Variants in LRP2 observed in about 807,000 individuals in gnomAD.
The protein encoded by LRP2 is low-density lipoprotein receptor-related protein 2.
In LRP2, 172 loss-of-function variants were observed where a neutral mutation model predicts 531.0. That is an observed-to-expected ratio of 0.32 (90% CI 0.29 to 0.37). LRP2 has a LOEUF of 0.37. Ranked by LOEUF, LRP2 falls within the 10% of genes least tolerant of loss-of-function variation. The probability of loss-of-function intolerance (pLI) is 1.00; values close to 1 mark genes in which losing one functional copy is unlikely to be tolerated. For synonymous variants in LRP2, 1,992 were observed against 2,027.6 expected (o/e 0.98, Z 0.47); for missense variants, 5,167 against 5,868.3 (o/e 0.88, Z 3.90).
intron 24 of LRP2, among the ~76,000 whole-genome samples, chr2:169,242,313 T>A (rs1336913072): frequency 6.6e-6 from 1 of 152,224 alleles, no homozygotes; most frequent in Non-Finnish European, 1.5e-5. Context: ...AGGTTTCCAG[T>A]CTGTGAAGAT....
rs575355529 is a variant in LRP2 at position 169,148,213 on chromosome 2, C to A, written c.12591-1254G>T. Among the ~76,000 whole-genome samples the A allele has an allele frequency of 1.1e-4, 17 of 152,312 alleles. No homozygotes were observed. In the South Asian group the frequency reaches 2.3e-3, roughly 20 times the overall value. On this transcript the variant is annotated intron_variant, in intron 68 of 78. Transcript: ENST00000649046. The stretch of plus-strand genomic sequence containing the variant: ...ACACACATGTGAAAGAAGCTAGTCA[C>A]AAAGAACCACATACTGTAGGATTCC...
chr2:169,351,700 A>G (rs1685853437), intron 1 of LRP2, among the ~76,000 whole-genome samples: 1 of 152,208 alleles, frequency 6.6e-6, no homozygotes, highest in African/African-American at 2.4e-5. Context: ...ACTAGGAAGC[A>G]AGTCCTAAGC....
At chr2:169,198,097 C>T (rs947074642) in intron 45 of LRP2, among the ~76,000 whole-genome samples, 16 of 152,106 alleles carry the variant, frequency 1.1e-4, no homozygotes, top group African/African-American at 3.1e-4. Context: ...GAAATTCCAA[C>T]GTATCTAGGG....
intron 16 of LRP2, among the ~76,000 whole-genome samples, chr2:169,266,064 T>C (rs1370388834): frequency 6.6e-6 from 1 of 152,022 alleles, no homozygotes; most frequent in Non-Finnish European, 1.5e-5. Context: ...AGAAATGTCA[T>C]CCTAGAATAC....
Position 169,198,893 on chromosome 2 carries a change from G to T in LRP2, c.8471C>A (p.Ser2824Tyr). 3 of 1,613,714 alleles carry T rather than the reference G, an allele frequency of 1.9e-6. No individual in the cohort carries two copies. In the South Asian group the frequency reaches 3.3e-5, roughly 18 times the overall value. Residue 2824 changes from serine to tyrosine, a missense_variant, in exon 45 of 79, where the codon TCT becomes TAT. By Grantham distance (144) the Ser-to-Tyr change is moderately radical. Around this residue, in one of 6 missense-constraint regions of LRP2, gnomAD observed 1,129 missense variants for 1,362.7 expected, o/e 0.83. Coordinates refer to ENST00000649046, the MANE Select transcript of LRP2 (RefSeq NM_004525.3). ...EKNCPDRTCQ[S>Y]GYTKCHNSNI... ...TGAATTATGACATTTTGTGTATCCA[G>T]ACTGGCAAGTGCGATCAGCTTGAAA...
At chr2:169,219,546 T>C (rs182737388) in intron 34 of LRP2, among the ~76,000 whole-genome samples, 34 of 152,214 alleles carry the variant, frequency 2.2e-4, no homozygotes, top group African/African-American at 7.9e-4. Context: ...AAACACAAAT[T>C]TGGTTCTTTC....
At chr2:169,178,196 A>G (rs1687284754) in intron 52 of LRP2, among the ~76,000 whole-genome samples, 170 bp from the exon 53 acceptor site, 1 of 152,352 alleles carries the variant, frequency 6.6e-6, no homozygotes, top group Non-Finnish European at 1.5e-5. Context: ...AACTTAAAGG[A>G]TGAATTCAAA....
chr2:169,353,278 G>T (rs541832288), intron 1 of LRP2, among the ~76,000 whole-genome samples: 44 of 152,190 alleles, frequency 2.9e-4, no homozygotes, highest in Admixed American at 3.3e-4. Context: ...GATTCCCCCT[G>T]GATAGGATCA....
intron 9 of LRP2, among the ~76,000 whole-genome samples, chr2:169,284,247 C>CT (rs1342396746): frequency 1.2e-4 from 9 of 72,234 alleles, no homozygotes; most frequent in Non-Finnish European, 2.0e-4. Flanking sequence ...TTTTCTTTTT[C>CT]TTTTTTTTCT....
intron 16 of LRP2, among the ~76,000 whole-genome samples, chr2:169,262,052 T>C (rs1485482661): frequency 6.6e-6 from 1 of 152,008 alleles, no homozygotes; most frequent in Non-Finnish European, 1.5e-5. Flanking sequence ...CAACCCTTCA[T>C]GCTAAAAACT....
chr2:169,310,335 G>T (rs1299923461), intron 3 of LRP2, among the ~76,000 whole-genome samples: 2 of 152,134 alleles, frequency 1.3e-5, no homozygotes, highest in African/African-American at 4.8e-5. Flanking sequence ...TTGGCTGTGG[G>T]TTTGTCATAA....
chr2:169,201,082 A>C (rs965132455), intron 44 of LRP2, among the ~76,000 whole-genome samples: 2 of 152,248 alleles, frequency 1.3e-5, no homozygotes, highest in Non-Finnish European at 2.9e-5. Context: ...AGATAAATTA[A>C]ATGGATCAAT....
At chr2:169,196,608 T>C (rs187617867) in intron 46 of LRP2, among the ~76,000 whole-genome samples, 13 of 152,356 alleles carry the variant, frequency 8.5e-5, no homozygotes, top group African/African-American at 2.4e-4. Context: ...GAAACTTCAA[T>C]TGAGAGCCAA....
intron 3 of LRP2, among the ~76,000 whole-genome samples, chr2:169,315,298 T>C (rs1458067615): frequency 2.0e-5 from 3 of 152,016 alleles, no homozygotes; most frequent in Non-Finnish European, 4.4e-5. Context: ...TAAGGAGTAA[T>C]TAGAAAACAA....
chr2:169,323,997 G>A (rs779557866), intron 1 of LRP2, among the ~76,000 whole-genome samples: 39 of 152,084 alleles, frequency 2.6e-4, no homozygotes, highest in Non-Finnish European at 5.4e-4. Flanking sequence ...TATCTCTCCA[G>A]CACTAGCCCC....
intron 46 of LRP2, among the ~76,000 whole-genome samples, chr2:169,195,924 G>A (rs1266631394): frequency 6.6e-6 from 1 of 152,064 alleles, no homozygotes; most frequent in East Asian, 1.9e-4. Context: ...AAAATATCCT[G>A]AAAATAAAAT....
chr2:169,173,296 T>C, intron 56 of LRP2, 72 bp from the exon 57 acceptor site: 15 of 1,580,752 alleles, frequency 9.5e-6, no homozygotes, highest in Non-Finnish European at 1.3e-5. Context: ...CACATTGAGG[T>C]TGTGGTACTG....
chr2:169,128,653 G>C lies in LRP2; in HGVS notation c.*10C>G. 6.2e-7 allele frequency: 1 copy of C among 1,612,302 alleles called. No homozygotes were observed. The highest frequency in any genetic ancestry group is 1.1e-5 in the South Asian group (1 of 91,038). On this transcript the variant is annotated 3_prime_UTR_variant, in exon 79 of 79. Transcript: ENST00000649046. ...TGTGTTTCTAATTATTCCCTAAATA[G>C]CTGGTATAGCTATACTTCAGAGTCT...
intron 1 of LRP2, among the ~76,000 whole-genome samples, chr2:169,331,185 A>G (rs912544897): frequency 6.6e-6 from 1 of 152,256 alleles, no homozygotes; most frequent in African/African-American, 2.4e-5. Flanking sequence ...TATGAAAAAC[A>G]GTCATAAGCA....
Sources: allele counts gnomAD v4.1 joint callset (sites outside exome capture counted in the v4.1 genomes callset), GRCh38; gene constraint gnomAD v4.1.1; regional missense constraint gnomAD v4.1.1; transcripts MANE v1.5; gene names NCBI Gene and HGNC (gene_info 2026-07-23, HGNC 2026-07-21).